Variants in GRIP1 observed in about 807,000 individuals in gnomAD.
The protein encoded by GRIP1 is glutamate receptor-interacting protein 1.
Under a neutral mutation model 129.9 loss-of-function variants are expected in GRIP1, and 45 were observed. The observed-to-expected ratio is 0.35, with a 90% CI of 0.27 to 0.44. The LOEUF (loss-of-function observed/expected upper bound fraction) is 0.44, where lower values mean the gene tolerates loss of function less well. Among genes scored for constraint, GRIP1 ranks in the 20% least tolerant of loss-of-function variants. The probability of loss-of-function intolerance (pLI) is 1.00; values close to 1 mark genes in which losing one functional copy is unlikely to be tolerated. For synonymous variants in GRIP1, 530 were observed against 520.8 expected, an observed-to-expected ratio of 1.02 and a Z score of -0.24; for missense variants, 1,196 against 1,396.8, an observed-to-expected ratio of 0.86 and a Z score of 2.29.
intron 1 of GRIP1, among the ~76,000 whole-genome samples, chr12:66,847,076 G>A (rs1178840518): frequency 1.3e-5 from 2 of 152,092 alleles, no homozygotes; most frequent in Middle Eastern, 3.2e-3. Flanking sequence ...TGCTCCATAA[G>A]GGGAAACCAC....
At chr12:66,495,560 C>A (rs571110363) in intron 7 of GRIP1, among the ~76,000 whole-genome samples, 3 of 151,994 alleles carry the variant, frequency 2.0e-5, no homozygotes, top group African/African-American at 7.2e-5. Flanking sequence ...AAAAATGAAA[C>A]TTTTTTTTCC....
intron 7 of GRIP1, among the ~76,000 whole-genome samples, chr12:66,503,532 A>C (rs1468150709): frequency 5.9e-5 from 9 of 152,114 alleles, no homozygotes; most frequent in Admixed American, 5.9e-4. Context: ...TCTAAAATAA[A>C]CTTCCACTCC....
chr12:66,538,959 G>T (rs530165204), intron 4 of GRIP1, 119 bp downstream of exon 4: 2 of 807,402 alleles, frequency 2.5e-6, no homozygotes, highest in African/African-American at 3.4e-5. Context: ...TTTATCATAA[G>T]TATGTATGTA....
intron 19 of GRIP1, among the ~76,000 whole-genome samples, chr12:66,381,838 A>G (rs1032798109): frequency 1.3e-5 from 2 of 152,218 alleles, no homozygotes; most frequent in African/African-American, 4.8e-5. Flanking sequence ...CAAAGCAGAG[A>G]AAGAAAAGGG....
At chr12:66,728,667 C>G (rs2036332408) in intron 1 of GRIP1, among the ~76,000 whole-genome samples, 1 of 152,138 alleles carries the variant, frequency 6.6e-6, no homozygotes, top group South Asian at 2.1e-4. Context: ...ATACAGGGCA[C>G]CAGTAGCCTC....
At chr12:66,924,347 A>C (rs747488054) in intron 1 of GRIP1, among the ~76,000 whole-genome samples, 3 of 152,196 alleles carry the variant, frequency 2.0e-5, no homozygotes, top group Non-Finnish European at 2.9e-5. Flanking sequence ...ACATTAAACA[A>C]ATTTCATTTA....
intron 1 of GRIP1, among the ~76,000 whole-genome samples, chr12:66,802,898 G>C (rs886522149): frequency 6.6e-6 from 1 of 152,258 alleles, no homozygotes; most frequent in Middle Eastern, 3.4e-3. Context: ...ATTTAAAAGA[G>C]AAACATCTCT....
At chr12:66,419,913 T>C (rs1427071881) in intron 15 of GRIP1, among the ~76,000 whole-genome samples, 3 of 152,122 alleles carry the variant, frequency 2.0e-5, no homozygotes, top group Non-Finnish European at 4.4e-5. Flanking sequence ...CTAGCCAACA[T>C]GGCAAAACCC....
intron 2 of GRIP1, among the ~76,000 whole-genome samples, chr12:66,587,129 CTCTT>C (rs1243921931): frequency 6.6e-6 from 1 of 152,190 alleles, no homozygotes; most frequent in Non-Finnish European, 1.5e-5. Context: ...AACCTCCTCT[CTCTT>C]TTCTTGTTTC....
At chr12:66,564,789 T>C (rs2139434528) in intron 2 of GRIP1, among the ~76,000 whole-genome samples, 1 of 152,308 alleles carries the variant, frequency 6.6e-6, no homozygotes, top group Admixed American at 6.5e-5. Flanking sequence ...CCAGCACCTG[T>C]TGTTTCCTGA....
Position 66,455,349 on chromosome 12 carries a change from A to G in GRIP1, c.1354+60T>C. On this transcript the variant is annotated intron_variant, in intron 11 of 24. Coordinates refer to ENST00000359742, the MANE Select transcript of GRIP1 (RefSeq NM_001366722.1). ...TCTTCCCACAATTTCGGTATTTTCAAGGCTCCATTGCCCACAGGTTTTTTC... is the reference window on the plus strand; with the variant it reads ...TCTTCCCACAATTTCGGTATTTTCAGGGCTCCATTGCCCACAGGTTTTTTC... 3.4e-6 allele frequency: 5 copies of G among 1,485,264 alleles called. No homozygotes were observed. The South Asian group carries it at 5.7e-5, about 17-fold the overall frequency. 92.0% of individuals were successfully genotyped at this position (1,485,264 alleles called of 1,614,324 possible).
chr12:66,378,312 C>T (rs1282859101), intron 20 of GRIP1, among the ~76,000 whole-genome samples: 1 of 152,010 alleles, frequency 6.6e-6, no homozygotes. Context: ...ATTAGCTGGG[C>T]GTGTTGGCAG....
At chr12:66,799,562 C>T (rs2038799880) in intron 1 of GRIP1, among the ~76,000 whole-genome samples, 2 of 152,186 alleles carry the variant, frequency 1.3e-5, no homozygotes, top group South Asian at 4.1e-4. Context: ...CCTTCCTTTT[C>T]CCCTCCCCAG....
chr12:66,967,411 C>T (rs1159782333), intron 1 of GRIP1, among the ~76,000 whole-genome samples: 1 of 152,114 alleles, frequency 6.6e-6, no homozygotes, highest in Non-Finnish European at 1.5e-5. Context: ...GTTTTAAATA[C>T]TAAAATTATT....
chr12:66,665,815 T>C (rs1592719376), intron 1 of GRIP1, among the ~76,000 whole-genome samples: 1 of 152,276 alleles, frequency 6.6e-6, no homozygotes, highest in East Asian at 1.9e-4. Flanking sequence ...CCATCTGATA[T>C]GCATACGTTC....
At chr12:66,835,058 A>C (rs1027564929) in intron 1 of GRIP1, among the ~76,000 whole-genome samples, 3 of 152,166 alleles carry the variant, frequency 2.0e-5, no homozygotes, top group African/African-American at 7.2e-5. Flanking sequence ...GACTGGGAAA[A>C]ATATTTGCAA....
At chr12:66,708,842 T>G (rs747645045) in intron 1 of GRIP1, among the ~76,000 whole-genome samples, 1 of 151,800 alleles carries the variant, frequency 6.6e-6, no homozygotes, top group Non-Finnish European at 1.5e-5. Flanking sequence ...TGCCCTCAAG[T>G]AAATTTAGTT....
intron 1 of GRIP1, among the ~76,000 whole-genome samples, chr12:66,729,810 G>T (rs1047643415): frequency 6.6e-6 from 1 of 152,004 alleles, no homozygotes; most frequent in Non-Finnish European, 1.5e-5. Flanking sequence ...TCCTGACCTC[G>T]TAATCCACCC....
At chr12:66,906,752 A>C (rs1239389095) in intron 1 of GRIP1, among the ~76,000 whole-genome samples, 1 of 152,232 alleles carries the variant, frequency 6.6e-6, no homozygotes, top group Admixed American at 6.5e-5. Flanking sequence ...ACTAGACTGG[A>C]CACCATCAGG....
Sources: gnomAD v4.1 joint callset for allele counts (sites outside exome capture counted in the v4.1 genomes callset) on GRCh38, gnomAD v4.1.1 for gene constraint, MANE v1.5 for transcripts, NCBI Gene and HGNC (gene_info 2026-07-23, HGNC 2026-07-21) for gene names.